The following CSMD1 variants were observed in gnomAD, a reference collection of about 807,000 sequenced individuals.
CSMD1 encodes the protein CUB and sushi domain-containing protein 1.
A neutral mutation model predicts 417.5 loss-of-function variants in CSMD1; 213 were observed. That is an observed-to-expected ratio of 0.51 (90% CI 0.46 to 0.57). The LOEUF is 0.57. CSMD1 is among the 20% of genes least tolerant of loss of function. CSMD1 has a pLI of 0.00. For missense variants in CSMD1, 6,923 were observed against 4,529.7 expected (o/e 1.53, Z -15.17); for synonymous variants, 2,862 against 1,736.8 (o/e 1.65, Z -16.11).
chr8:4,194,005 A>C (rs756079695), intron 3 of CSMD1, among the ~76,000 whole-genome samples: 1 of 152,108 alleles, frequency 6.6e-6, no homozygotes, highest in African/African-American at 2.4e-5. Flanking sequence ...TATCCCCTTC[A>C]TAATGTTTTT....
chr8:4,638,619 A>G (rs1397386512), intron 1 of CSMD1, among the ~76,000 whole-genome samples: 1 of 152,206 alleles, frequency 6.6e-6, no homozygotes, highest in African/African-American at 2.4e-5. Flanking sequence ...GAAAAGGCTC[A>G]GAGTTCCAAA....
At chr8:4,718,766 TC>T (rs1808853384) in intron 1 of CSMD1, among the ~76,000 whole-genome samples, 1 of 152,048 alleles carries the variant, frequency 6.6e-6, no homozygotes, top group Non-Finnish European at 1.5e-5. Flanking sequence ...AAGAAAATAC[TC>T]TTTTTAAAGC....
At chr8:3,713,743 G>T (rs929691559) in intron 6 of CSMD1, among the ~76,000 whole-genome samples, 1 of 152,214 alleles carries the variant, frequency 6.6e-6, no homozygotes, top group Non-Finnish European at 1.5e-5. Flanking sequence ...AATATGAGGA[G>T]ATGCCATTGC....
intron 1 of CSMD1, among the ~76,000 whole-genome samples, chr8:4,844,944 T>A (rs1184896551): frequency 6.6e-6 from 1 of 152,210 alleles, no homozygotes; most frequent in Non-Finnish European, 1.5e-5. Flanking sequence ...TAGACACCAG[T>A]CAATTTGGCA....
chr8:4,791,417 G>T (rs1461095454), intron 1 of CSMD1, among the ~76,000 whole-genome samples: 2 of 152,108 alleles, frequency 1.3e-5, no homozygotes, highest in Admixed American at 6.5e-5. Flanking sequence ...TATGTGTTGT[G>T]GGTGGGACCC....
At chr8:4,023,897 G>A (rs940931357) in intron 4 of CSMD1, among the ~76,000 whole-genome samples, 19 of 150,894 alleles carry the variant, frequency 1.3e-4, no homozygotes, top group Admixed American at 2.0e-4. Flanking sequence ...GATTACAGGC[G>A]TGAGCCACAG....
At chr8:4,017,094 G>A (rs575182892) in intron 4 of CSMD1, among the ~76,000 whole-genome samples, 22 of 152,160 alleles carry the variant, frequency 1.4e-4, no homozygotes, top group Non-Finnish European at 2.6e-4. Context: ...CTCAGTGACC[G>A]CGGTGTTCAG....
At chr8:4,006,439 G>C (rs1816120280) in intron 4 of CSMD1, among the ~76,000 whole-genome samples, 1 of 152,158 alleles carries the variant, frequency 6.6e-6, no homozygotes, top group South Asian at 2.1e-4. Flanking sequence ...AGCTTCTTGG[G>C]AGGCTGAGGC....
intron 49 of CSMD1, among the ~76,000 whole-genome samples, chr8:3,059,437 G>C (rs917210966): frequency 1.3e-5 from 2 of 152,062 alleles, no homozygotes; most frequent in African/African-American, 2.4e-5. Flanking sequence ...AACAGTTTTC[G>C]AGAAATGATT....
chr8:3,090,736 G>A lies in CSMD1; in HGVS notation c.7285+780C>T, dbSNP rs371722555. 1.7e-4 allele frequency among the ~76,000 whole-genome samples: 26 copies of A among 152,234 alleles called. No homozygotes were observed. In the East Asian group the frequency reaches 4.2e-3, roughly 25 times the overall value. The stretch of plus-strand genomic sequence containing the variant: ...AAAACATAACTTGAAAGCTGTCAAG[G>A]GCATTGCTGAGTGAGATTTTGAGAA... On this transcript the variant is annotated intron_variant, in intron 48 of 69. Transcript: ENST00000635120.
At chr8:4,905,552 G>A (rs1213182651) in intron 1 of CSMD1, among the ~76,000 whole-genome samples, 1 of 151,960 alleles carries the variant, frequency 6.6e-6, no homozygotes, top group Non-Finnish European at 1.5e-5. Context: ...AGACACAGTG[G>A]CTCACATCTG....
At chr8:3,750,969 C>T (rs1797308233) in intron 6 of CSMD1, among the ~76,000 whole-genome samples, 1 of 152,174 alleles carries the variant, frequency 6.6e-6, no homozygotes, top group African/African-American at 2.4e-5. Flanking sequence ...CATCCTCCTT[C>T]TGATGGGTCT....
chr8:4,125,574 C>A (rs1585369535), intron 3 of CSMD1, among the ~76,000 whole-genome samples: 1 of 152,196 alleles, frequency 6.6e-6, no homozygotes, highest in African/African-American at 2.4e-5. Flanking sequence ...TCTAAATTAA[C>A]TGAGACTGAA....
rs1797377968 is a variant in CSMD1, at chr8:4,032,100, C to G, written c.416-1G>C. ...TTTCCACAAGTGTGGCTAGGTAAAA[C>G]TATTGGAAAAAGAAAAGAAAGGAGA... On this transcript the variant is annotated splice_acceptor_variant, in intron 3 of 69. Coordinates refer to ENST00000635120, the MANE Select transcript of CSMD1 (RefSeq NM_033225.6). LOFTEE classifies it high-confidence loss of function. The G allele has an allele frequency of 6.3e-7, 1 of 1,596,360 alleles. No homozygotes were observed. Among genetic ancestry groups the G allele is most frequent in the Non-Finnish European group, 8.6e-7 (1 of 1,167,558 alleles).
At chr8:3,416,483 A>T (rs1244387430) in intron 12 of CSMD1, among the ~76,000 whole-genome samples, 1 of 152,176 alleles carries the variant, frequency 6.6e-6, no homozygotes, top group East Asian at 1.9e-4. Context: ...CCACATAAGA[A>T]TGTATTCGGT....
chr8:4,689,876 A>G (rs1394000160), intron 1 of CSMD1, among the ~76,000 whole-genome samples: 1 of 152,200 alleles, frequency 6.6e-6, no homozygotes, highest in Non-Finnish European at 1.5e-5. Context: ...TGAATGATTA[A>G]AACTACTATG....
At chr8:4,441,054 T>A (rs1585079257) in intron 2 of CSMD1, among the ~76,000 whole-genome samples, 1 of 143,450 alleles carries the variant, frequency 7.0e-6, no homozygotes, top group South Asian at 2.3e-4. Context: ...CATTTTAAAA[T>A]ATAAACTTTT....
At chr8:3,579,850 T>A (rs1800307372) in intron 9 of CSMD1, among the ~76,000 whole-genome samples, 1 of 152,222 alleles carries the variant, frequency 6.6e-6, no homozygotes, top group South Asian at 2.1e-4. Context: ...ACGCCTTTAA[T>A]TTCAGCATTT....
chr8:4,323,099 A>T (rs564998217), intron 3 of CSMD1, among the ~76,000 whole-genome samples: 2 of 152,234 alleles, frequency 1.3e-5, no homozygotes, highest in South Asian at 4.1e-4. Context: ...GAAAAATCAT[A>T]TGATTTTAAT....
Sources: gnomAD v4.1 joint callset for allele counts (sites outside exome capture counted in the v4.1 genomes callset) on GRCh38, gnomAD v4.1.1 for gene constraint, MANE v1.5 for transcripts, NCBI Gene and HGNC (gene_info 2026-07-23, HGNC 2026-07-21) for gene names.